SHCBP1: variants seen among roughly 807,000 people sequenced by gnomAD.
SHCBP1 encodes the protein SHC SH2 domain-binding protein 1.
Under a neutral mutation model 75.1 loss-of-function variants are expected in SHCBP1, and 60 were observed. That is an observed-to-expected ratio of 0.80 (90% CI 0.65 to 0.99). The LOEUF is 0.99. SHCBP1 is among the 50% of genes least tolerant of loss of function. The probability of loss-of-function intolerance (pLI) is 0.00; values close to 1 mark genes in which losing one functional copy is unlikely to be tolerated. For synonymous variants in SHCBP1, 290 were observed against 293.2 expected, an observed-to-expected ratio of 0.99 and a Z score of 0.11; for missense variants, 709 against 809.4, an observed-to-expected ratio of 0.88 and a Z score of 1.50.
chr16:46,605,621 T>G (rs544276406), intron 5 of SHCBP1, among the ~76,000 whole-genome samples: 1 of 152,168 alleles, frequency 6.6e-6, no homozygotes, highest in South Asian at 2.1e-4. Context: ...AACAAACAGA[T>G]GCTCAGGGCC....
chr16:46,599,069 C>T (rs535297882), intron 9 of SHCBP1, among the ~76,000 whole-genome samples: 1 of 152,300 alleles, frequency 6.6e-6, no homozygotes, highest in African/African-American at 2.4e-5. Context: ...TTTGATCTTC[C>T]ATCCAGACTA....
At chr16:46,612,719 C>G (rs1965439544) in intron 4 of SHCBP1, among the ~76,000 whole-genome samples, 1 of 152,156 alleles carries the variant, frequency 6.6e-6, no homozygotes, top group African/African-American at 2.4e-5. Flanking sequence ...CCTTTTCCAC[C>G]TGGTAAGCTT....
chr16:46,584,256 G>A (rs1964919567), intron 10 of SHCBP1, 167 bp from the exon 11 acceptor site: 9 of 462,166 alleles, frequency 1.9e-5, no homozygotes, highest in Non-Finnish European at 3.5e-5. Context: ...ATTTCCATTT[G>A]TTCCATTTCT....
intron 8 of SHCBP1, among the ~76,000 whole-genome samples, chr16:46,600,974 C>T (rs758086855): frequency 2.2e-4 from 33 of 152,114 alleles, no homozygotes; most frequent in Non-Finnish European, 3.7e-4. Flanking sequence ...CGTGCCACTG[C>T]ACTCCAGCCT....
chr16:46,618,176 CAAA>C, intron 2 of SHCBP1, 26 bp downstream of exon 2: 2 of 1,137,254 alleles, frequency 1.8e-6, no homozygotes, highest in South Asian at 1.6e-5. Flanking sequence ...AACTCCATCT[CAAA>C]AAAAAAAAGC....
chr16:46,609,961 T>C (rs1235468866), intron 4 of SHCBP1, among the ~76,000 whole-genome samples: 1 of 151,490 alleles, frequency 6.6e-6, no homozygotes, highest in Non-Finnish European at 1.5e-5. Context: ...TGGATTTTTT[T>C]TTTTTTCAGA....
intron 1 of SHCBP1, 60 bp downstream of exon 1, chr16:46,621,197 T>G (rs1356419200): frequency 6.7e-7 from 1 of 1,502,904 alleles, no homozygotes; most frequent in Middle Eastern, 2.0e-4. Context: ...CCTCCTAGGG[T>G]CCCGACGCCC....
intron 9 of SHCBP1, among the ~76,000 whole-genome samples, chr16:46,599,417 G>T (rs79605099): frequency 0.024 from 3,696 of 152,138 alleles, 80 homozygotes; most frequent in East Asian, 0.11. Context: ...AGAGATAGGG[G>T]AATGGCTGAT....
chr16:46,582,829 C>T (rs1158989847), intron 12 of SHCBP1, among the ~76,000 whole-genome samples: 3 of 152,184 alleles, frequency 2.0e-5, no homozygotes, highest in Non-Finnish European at 2.9e-5. Context: ...TGAAGGATGA[C>T]AAGGACTACC....
At chr16:46,604,619 T>C (rs1384921633) in intron 5 of SHCBP1, among the ~76,000 whole-genome samples, 158 bp from the exon 6 acceptor site, 1 of 152,172 alleles carries the variant, frequency 6.6e-6, no homozygotes, top group Non-Finnish European at 1.5e-5. Flanking sequence ...ATAATAATAA[T>C]AATAAGTGGA....
chr16:46,582,787 A>C (rs1964892962), intron 12 of SHCBP1, among the ~76,000 whole-genome samples: 1 of 152,374 alleles, frequency 6.6e-6, no homozygotes. Flanking sequence ...GAAGAAATAA[A>C]GAACTTGCAG....
intron 10 of SHCBP1, among the ~76,000 whole-genome samples, chr16:46,592,045 C>T (rs1339927884): frequency 6.7e-6 from 1 of 149,464 alleles, no homozygotes; most frequent in Non-Finnish European, 1.5e-5. Context: ...GGTGGAAAAC[C>T]CAAAACAAGT....
chr16:46,596,274 G>C (rs544278327), intron 9 of SHCBP1, among the ~76,000 whole-genome samples: 2 of 151,926 alleles, frequency 1.3e-5, no homozygotes, highest in Non-Finnish European at 2.9e-5. Flanking sequence ...GGGAGGCCGA[G>C]GGGGGCAGAA....
In SHCBP1 at chr16:46,582,033, T is replaced by C; in HGVS notation, c.1715A>G (p.Gln572Arg). The C allele has an allele frequency of 6.2e-7, 1 of 1,605,800 alleles. No homozygotes were observed. The highest frequency in any genetic ancestry group is 8.5e-7 in the Non-Finnish European group (1 of 1,176,584). ...GTEENKALKI[Q>R]TSGEPDVAER... ...AGCCACATCTGGCTCTCCACTTGTC[T>C]GAATTTTAAGCGCTTTATTTTCTGG... Residue 572 changes from glutamine (Q) to arginine (R), a missense_variant, in exon 13 of 13, where the codon CAG becomes CGG. Gln to Arg is a conservative substitution (Grantham distance 43). Transcript: ENST00000303383.
At position 46,616,478 on chromosome 16, in the gene SHCBP1, C is replaced by G. The variant is rs1377604971; in HGVS notation, c.388-324G>C. On this transcript the variant is annotated intron_variant, in intron 3 of 12. Transcript: ENST00000303383. The surrounding 1 kb of genome is among the most constrained non-coding windows in gnomAD (Gnocchi z 4.4). ...GAGAAGGAAGCGGCCATCTGAAGAG[C>G]TGGGAAAGCACAGAAGGCCTGTGGC... Among the ~76,000 whole-genome samples, 1 of 152,126 alleles carries G rather than the reference C, an allele frequency of 6.6e-6. No homozygotes were observed. The highest frequency in any genetic ancestry group is 2.4e-5 in the African/African-American group (1 of 41,410).
chr16:46,618,491 T>C, intron 1 of SHCBP1, 119 bp from the exon 2 acceptor site: 1 of 1,034,270 alleles, frequency 9.7e-7, no homozygotes, highest in Non-Finnish European at 1.3e-6. Flanking sequence ...ATGAATAGTC[T>C]ACTTACCTCT....
At chr16:46,611,985 TC>T (rs1322984198) in intron 4 of SHCBP1, among the ~76,000 whole-genome samples, 2 of 152,196 alleles carry the variant, frequency 1.3e-5, no homozygotes, top group Non-Finnish European at 2.9e-5. Flanking sequence ...CTCAGGTGAT[TC>T]CAAAGTGGTT....
intron 10 of SHCBP1, among the ~76,000 whole-genome samples, chr16:46,590,478 C>G (rs1408611604): frequency 6.6e-6 from 1 of 152,072 alleles, no homozygotes; most frequent in African/African-American, 2.4e-5. Context: ...AAGAAAAAAT[C>G]AAACAACCCC....
chr16:46,596,262 T>C (rs1048040517), intron 9 of SHCBP1, among the ~76,000 whole-genome samples: 3 of 151,992 alleles, frequency 2.0e-5, no homozygotes, highest in African/African-American at 7.2e-5. Flanking sequence ...TCCTAGCACT[T>C]TGGGAGGCCG....
Sources: gnomAD v4.1 joint callset for allele counts (sites outside exome capture counted in the v4.1 genomes callset) on GRCh38, gnomAD v4.1.1 for gene constraint, Gnocchi (gnomAD v3.1) non-coding constraint, MANE v1.5 for transcripts, NCBI Gene and HGNC (gene_info 2026-07-23, HGNC 2026-07-21) for gene names.